LRP1B: variants seen among roughly 807,000 people sequenced by gnomAD.
LRP1B encodes the protein LDL receptor related protein 1B.
A neutral mutation model predicts 556.6 loss-of-function variants in LRP1B; 217 were observed. That is an observed-to-expected ratio of 0.39 (90% CI 0.35 to 0.44). The LOEUF (loss-of-function observed/expected upper bound fraction) is 0.44. Ranked by LOEUF, LRP1B falls within the 20% of genes least tolerant of loss-of-function variation. The pLI is 1.00. For synonymous variants in LRP1B, 2,047 were observed against 1,865.8 expected (o/e 1.10, Z -2.50); for missense variants, 5,053 against 5,620.8 (o/e 0.90, Z 3.23).
At chr2:140,454,334 A>G (rs1687006095) in intron 62 of LRP1B, among the ~76,000 whole-genome samples, 1 of 151,986 alleles carries the variant, frequency 6.6e-6, no homozygotes, top group Non-Finnish European at 1.5e-5. Flanking sequence ...ATTTTTTAGT[A>G]GAGACGAGGT....
chr2:140,839,360 C>T (rs11686935), intron 31 of LRP1B, among the ~76,000 whole-genome samples: 1 of 152,086 alleles, frequency 6.6e-6, no homozygotes, highest in Admixed American at 6.6e-5. Flanking sequence ...TATTGTTCCT[C>T]GGTGTGTCTG....
intron 41 of LRP1B, among the ~76,000 whole-genome samples, chr2:140,623,960 A>ATATATATATATATATATATAT (rs1218125969): frequency 7.3e-6 from 1 of 137,910 alleles, no homozygotes; most frequent in Non-Finnish European, 1.6e-5. Context: ...ATTTATGTAT[A>ATATATATATATATATATATAT]TATATATATA....
chr2:141,786,142 C>A (rs1816606), intron 2 of LRP1B, among the ~76,000 whole-genome samples: 130,893 of 151,866 alleles, frequency 0.86, 56,496 homozygotes, highest in East Asian at 1. Flanking sequence ...TATAATCACT[C>A]AATTATATTC....
intron 2 of LRP1B, among the ~76,000 whole-genome samples, chr2:141,576,581 A>T (rs1686754929): frequency 6.6e-6 from 1 of 152,072 alleles, no homozygotes; most frequent in South Asian, 2.1e-4. Flanking sequence ...TAGAAGAAGA[A>T]GAAATTTAAA....
chr2:141,237,353 G>GGTTTTTT (rs398039112), intron 5 of LRP1B, among the ~76,000 whole-genome samples: 1 of 93,636 alleles, frequency 1.1e-5, no homozygotes, highest in Non-Finnish European at 2.3e-5. Context: ...GTGTTCTAGT[G>GGTTTTTT]TTTTTTTTTT....
At chr2:140,367,963 T>C (rs1267132619) in intron 71 of LRP1B, among the ~76,000 whole-genome samples, 1 of 151,790 alleles carries the variant, frequency 6.6e-6, no homozygotes, top group Non-Finnish European at 1.5e-5. Context: ...GATATGCCAC[T>C]GATTTATTTA....
intron 31 of LRP1B, among the ~76,000 whole-genome samples, chr2:140,824,129 T>TA (rs11376103): frequency 0.74 from 110,851 of 150,762 alleles, 43,506 homozygotes; most frequent in Non-Finnish European, 0.88. Flanking sequence ...TTTAAAAAAA[T>TA]AAAAAAAAAT....
intron 1 of LRP1B, among the ~76,000 whole-genome samples, chr2:141,949,725 T>C (rs1701056440): frequency 6.6e-6 from 1 of 152,184 alleles, no homozygotes; most frequent in Non-Finnish European, 1.5e-5. Flanking sequence ...TTACATACTA[T>C]ACCTCTGAAA....
chr2:141,942,255 A>T (rs1051279363), intron 1 of LRP1B, among the ~76,000 whole-genome samples: 1 of 152,190 alleles, frequency 6.6e-6, no homozygotes, highest in African/African-American at 2.4e-5. Flanking sequence ...AAGAAGATTG[A>T]CAGCTTCTTT....
chr2:141,706,686 G>A (rs979799036), intron 2 of LRP1B, among the ~76,000 whole-genome samples: 2 of 152,084 alleles, frequency 1.3e-5, no homozygotes. Flanking sequence ...ACACACAAAT[G>A]TGATATTTTA....
chr2:141,243,833 G>C (rs1683971291), intron 5 of LRP1B, among the ~76,000 whole-genome samples: 2 of 152,076 alleles, frequency 1.3e-5, no homozygotes, highest in African/African-American at 4.8e-5. Flanking sequence ...TGAATTAATA[G>C]GAATGAAAAG....
chr2:141,066,657 G>C (rs1158683495), intron 7 of LRP1B, among the ~76,000 whole-genome samples: 1 of 151,880 alleles, frequency 6.6e-6, no homozygotes, highest in Admixed American at 6.6e-5. Flanking sequence ...TCCTTTAACT[G>C]CATGGTCAGT....
At chr2:140,428,737 C>T (rs1015498141) in intron 66 of LRP1B, among the ~76,000 whole-genome samples, 3 of 152,094 alleles carry the variant, frequency 2.0e-5, no homozygotes, top group African/African-American at 7.2e-5. Flanking sequence ...TCCACACTAC[C>T]GTCTTTTCAA....
chr2:141,897,312 T>C lies in LRP1B; in HGVS notation c.83-86911A>G, dbSNP rs1288021151. On this transcript the variant is annotated intron_variant, in intron 1 of 90. Transcript: ENST00000389484. ...TAAAATAAAACCAACAGGTAGCTGA[T>C]GCTAGCACTCAATTGTTCAGATGTC... is the stretch of plus-strand genomic sequence containing the variant. Among the ~76,000 whole-genome samples the C allele has an allele frequency of 2.0e-5, 3 of 152,160 alleles. No homozygotes were observed. The East Asian group carries it at 5.8e-4, about 29-fold the overall frequency.
intron 2 of LRP1B, among the ~76,000 whole-genome samples, chr2:141,672,078 G>A (rs1173166675): frequency 6.6e-6 from 1 of 151,704 alleles, no homozygotes; most frequent in Non-Finnish European, 1.5e-5. Context: ...TAGGGTGGGA[G>A]GATATACTGA....
intron 3 of LRP1B, among the ~76,000 whole-genome samples, chr2:141,336,086 G>A (rs1210799406): frequency 9.4e-6 from 1 of 106,870 alleles, no homozygotes; most frequent in African/African-American, 4.0e-5. Context: ...AAGTAAAGGA[G>A]TATATAATGA....
chr2:141,439,593 T>C (rs1680884592), intron 3 of LRP1B, among the ~76,000 whole-genome samples: 1 of 152,164 alleles, frequency 6.6e-6, no homozygotes, highest in Non-Finnish European at 1.5e-5. Context: ...ATCAATGCCA[T>C]GGCACAATAG....
chr2:140,277,134 A>T (rs1457873754), intron 84 of LRP1B, among the ~76,000 whole-genome samples: 1 of 151,950 alleles, frequency 6.6e-6, no homozygotes, highest in Non-Finnish European at 1.5e-5. Context: ...ACTAGAAAAA[A>T]ATGGATTAAT....
intron 2 of LRP1B, among the ~76,000 whole-genome samples, chr2:141,638,595 G>GTGTTT (rs1398032205): frequency 1.7e-5 from 2 of 116,498 alleles, no homozygotes; most frequent in Admixed American, 1.7e-4. Flanking sequence ...GCCGAGACCA[G>GTGTTT]GCAAAGCAGT....
Sources: allele counts gnomAD v4.1 joint callset (sites outside exome capture counted in the v4.1 genomes callset), GRCh38; gene constraint gnomAD v4.1.1; transcripts MANE v1.5; gene names NCBI Gene and HGNC (gene_info 2026-07-23, HGNC 2026-07-21).